Variants in CAMTA1 observed in about 807,000 individuals in gnomAD.
CAMTA1 encodes calmodulin binding transcription activator 1, also known as calmodulin-binding transcription activator 1.
CAMTA1 carries 27 observed loss-of-function variants against 170.9 expected under a neutral mutation model. The ratio of observed to expected loss-of-function variants is 0.16; its 90% CI spans 0.12 to 0.22. CAMTA1 has a LOEUF of 0.22. Ranked by LOEUF, CAMTA1 falls within the 10% of genes least tolerant of loss-of-function variation. The pLI is 1.00. For synonymous variants in CAMTA1, 833 were observed against 891.5 expected, an observed-to-expected ratio of 0.93 and a Z score of 1.17; for missense variants, 1,619 against 2,217.2, an observed-to-expected ratio of 0.73 and a Z score of 5.42.
intron 5 of CAMTA1, among the ~76,000 whole-genome samples, chr1:7,363,682 G>C (rs1188329388): frequency 6.6e-6 from 1 of 152,166 alleles, no homozygotes; most frequent in Non-Finnish European, 1.5e-5. Flanking sequence ...TGGCCACCAA[G>C]TGCAGGAGGG....
At chr1:7,677,799 C>T in intron 11 of CAMTA1, 66 bp downstream of exon 11, 1 of 1,550,724 alleles carries the variant, frequency 6.4e-7, no homozygotes, top group Non-Finnish European at 8.7e-7. Context: ...GACTCTTGCA[C>T]AAGGTGTGAA....
chr1:7,157,814 G>A (rs1181066017), intron 4 of CAMTA1, among the ~76,000 whole-genome samples: 1 of 152,178 alleles, frequency 6.6e-6, no homozygotes, highest in Non-Finnish European at 1.5e-5. Context: ...CAGGTGAGTG[G>A]ACAAGTGGAG....
chr1:7,556,880 G>A (rs577212135), intron 6 of CAMTA1, among the ~76,000 whole-genome samples: 1 of 152,270 alleles, frequency 6.6e-6, no homozygotes, highest in South Asian at 2.1e-4. Context: ...CGATGACAGG[G>A]CACAGCTCAT....
chr1:7,031,431 A>G (rs559802028), intron 3 of CAMTA1, among the ~76,000 whole-genome samples: 2 of 152,226 alleles, frequency 1.3e-5, no homozygotes, highest in South Asian at 4.1e-4. Flanking sequence ...TTGCAATGGT[A>G]TATCTTCTTC....
chr1:7,176,360 A>C (rs1433616512), intron 4 of CAMTA1, among the ~76,000 whole-genome samples: 1 of 152,198 alleles, frequency 6.6e-6, no homozygotes, highest in East Asian at 1.9e-4. Flanking sequence ...GCCCTGGGTG[A>C]CTGGGGTGCT....
At chr1:6,952,387 C>T (rs1688638745) in intron 3 of CAMTA1, among the ~76,000 whole-genome samples, 2 of 127,930 alleles carry the variant, frequency 1.6e-5, no homozygotes, top group African/African-American at 3.0e-5. Flanking sequence ...GCCAAGATTG[C>T]ACCACTGCAC....
At chr1:7,034,218 T>C (rs4584415) in intron 3 of CAMTA1, among the ~76,000 whole-genome samples, 63,371 of 151,858 alleles carry the variant, frequency 0.42, 15,845 homozygotes, top group African/African-American at 0.72. Context: ...AGTGCAGTGG[T>C]GCGATCTTGG....
At chr1:7,498,863 T>C (rs2093897823) in intron 6 of CAMTA1, among the ~76,000 whole-genome samples, 2 of 148,898 alleles carry the variant, frequency 1.3e-5, no homozygotes, top group African/African-American at 5.0e-5. Flanking sequence ...TGAGTGTGTG[T>C]GTGCATGAGT....
chr1:6,999,067 G>A (rs1450646688), intron 3 of CAMTA1, among the ~76,000 whole-genome samples: 1 of 152,122 alleles, frequency 6.6e-6, no homozygotes, highest in Non-Finnish European at 1.5e-5. Flanking sequence ...ACAAAACAAA[G>A]CAATTATGTT....
intron 1 of CAMTA1, among the ~76,000 whole-genome samples, chr1:6,817,848 A>C (rs1570410255): frequency 6.6e-6 from 1 of 152,304 alleles, no homozygotes; most frequent in South Asian, 2.1e-4. Flanking sequence ...CTAGAACAAG[A>C]GTTTTACAGA....
At chr1:7,367,023 T>A (rs962263937) in intron 5 of CAMTA1, among the ~76,000 whole-genome samples, 3 of 152,114 alleles carry the variant, frequency 2.0e-5, no homozygotes, top group Non-Finnish European at 4.4e-5. Flanking sequence ...GTGCCATTCT[T>A]TCCTCTTAAA....
intron 6 of CAMTA1, among the ~76,000 whole-genome samples, chr1:7,578,500 C>T (rs1326227861): frequency 6.6e-6 from 1 of 152,224 alleles, no homozygotes; most frequent in African/African-American, 2.4e-5. Flanking sequence ...GGCTGGCTCA[C>T]CTGCCCTCCG....
At chr1:7,541,981 C>T (rs1319501522) in intron 6 of CAMTA1, among the ~76,000 whole-genome samples, 4 of 152,222 alleles carry the variant, frequency 2.6e-5, no homozygotes, top group Admixed American at 2.6e-4. Flanking sequence ...CGTTACACCC[C>T]AACACAGGAT....
chr1:7,550,239 G>A lies in CAMTA1; in HGVS notation c.510+82338G>A, dbSNP rs114313585. 4.9e-3 allele frequency among the ~76,000 whole-genome samples: 739 copies of A among 152,260 alleles called. 6 individuals carry two copies. Among genetic ancestry groups the A allele is most frequent in the African/African-American group, 0.017 (711 of 41,528 alleles). On this transcript the variant is annotated intron_variant, in intron 6 of 22. Coordinates refer to ENST00000303635, the MANE Select transcript of CAMTA1 (RefSeq NM_015215.4). ...GTAGGAAGAGAAGCTGATACAGAGG[G>A]TTAATGGAGTGTTAAATGCAGATCT...
intron 7 of CAMTA1, among the ~76,000 whole-genome samples, chr1:7,645,939 G>A (rs1486231647): frequency 6.6e-6 from 1 of 152,280 alleles, no homozygotes; most frequent in African/African-American, 2.4e-5. Flanking sequence ...CTCCATGGCA[G>A]GTGGTGGAGG....
At chr1:7,017,070 C>T (rs61780945) in intron 3 of CAMTA1, among the ~76,000 whole-genome samples, 10,941 of 152,166 alleles carry the variant, frequency 0.072, 452 homozygotes, top group Middle Eastern at 0.21. Context: ...TGGGAGTCTT[C>T]GACAGCTCTC....
chr1:7,472,264 C>T (rs2093346572), intron 6 of CAMTA1, among the ~76,000 whole-genome samples: 2 of 152,306 alleles, frequency 1.3e-5, no homozygotes, highest in East Asian at 3.9e-4. Context: ...GGGGCTCCCA[C>T]ATCACTGGAA....
chr1:7,428,320 G>A lies in CAMTA1; in HGVS notation c.439-39510G>A, dbSNP rs528844140. 1.1e-4 allele frequency among the ~76,000 whole-genome samples: 17 copies of A among 152,232 alleles called. No homozygotes were observed. In the East Asian group the frequency reaches 1.9e-3, roughly 17 times the overall value. On this transcript the variant is annotated intron_variant, in intron 5 of 22. Transcript: ENST00000303635. ...CAGCACCTAGACCAGTGCCCAGGGT[G>A]TAGGAGGCGCTCACTGAGTATCTGT...
intron 5 of CAMTA1, among the ~76,000 whole-genome samples, chr1:7,275,219 A>G (rs555843356): frequency 7.3e-5 from 11 of 151,570 alleles, no homozygotes; most frequent in Admixed American, 2.6e-4. Context: ...TAGAAAATGT[A>G]TGGAGTACAG....
Sources: gnomAD v4.1 joint callset for allele counts (sites outside exome capture counted in the v4.1 genomes callset) on GRCh38, gnomAD v4.1.1 for gene constraint, MANE v1.5 for transcripts, NCBI Gene and HGNC (gene_info 2026-07-23, HGNC 2026-07-21) for gene names.